Variants in DSCAM observed in about 807,000 individuals in gnomAD.
The protein encoded by DSCAM is cell adhesion molecule DSCAM.
Under a neutral mutation model 217.7 loss-of-function variants are expected in DSCAM, and 47 were observed. The ratio of observed to expected loss-of-function variants is 0.22; its 90% confidence interval spans 0.17 to 0.28. The LOEUF (loss-of-function observed/expected upper bound fraction) is 0.28. DSCAM is among the 10% of genes least tolerant of loss of function. The probability of loss-of-function intolerance (pLI) is 1.00; values close to 1 mark genes in which losing one functional copy is unlikely to be tolerated. For synonymous variants in DSCAM, 1,056 were observed against 1,015.3 expected (o/e 1.04, Z -0.76); for missense variants, 2,080 against 2,618.3 (o/e 0.79, Z 4.49).
intron 10 of DSCAM, among the ~76,000 whole-genome samples, chr21:40,288,355 G>A (rs1489585929): frequency 1.3e-5 from 2 of 152,288 alleles, no homozygotes; most frequent in Non-Finnish European, 2.9e-5. Context: ...CATTCTTCAC[G>A]TTAAGCTTTA....
chr21:40,408,428 A>G (rs533325551), intron 3 of DSCAM, among the ~76,000 whole-genome samples: 1 of 152,244 alleles, frequency 6.6e-6, no homozygotes, highest in African/African-American at 2.4e-5. Flanking sequence ...AACAATGTGA[A>G]GGGACATGCT....
chr21:40,821,119 T>G (rs1478426573), intron 1 of DSCAM, among the ~76,000 whole-genome samples: 2 of 105,748 alleles, frequency 1.9e-5, no homozygotes, highest in African/African-American at 7.4e-5. Context: ...CACATATATA[T>G]AGATATATAT....
At chr21:40,510,501 C>T (rs764891113) in intron 3 of DSCAM, among the ~76,000 whole-genome samples, 10 of 152,036 alleles carry the variant, frequency 6.6e-5, no homozygotes, top group Non-Finnish European at 1.0e-4. Context: ...TCAAACGTGA[C>T]GATTGACAAA....
intron 3 of DSCAM, among the ~76,000 whole-genome samples, chr21:40,387,987 A>T (rs1409123734): frequency 6.6e-6 from 1 of 152,196 alleles, no homozygotes; most frequent in Non-Finnish European, 1.5e-5. Context: ...GAGAAAAAGA[A>T]ACATATGGAA....
chr21:40,577,377 C>T (rs1175947475), intron 3 of DSCAM, among the ~76,000 whole-genome samples: 2 of 151,646 alleles, frequency 1.3e-5, no homozygotes, highest in African/African-American at 2.4e-5. Flanking sequence ...AATTTTAGGG[C>T]ACTGACACGG....
intron 3 of DSCAM, among the ~76,000 whole-genome samples, chr21:40,387,825 G>A (rs1469967162): frequency 6.6e-6 from 1 of 152,114 alleles, no homozygotes; most frequent in East Asian, 1.9e-4. Context: ...TATCATAAAA[G>A]ATACAAATAT....
intron 26 of DSCAM, among the ~76,000 whole-genome samples, chr21:40,078,410 A>C (rs2089399799): frequency 6.6e-6 from 1 of 152,194 alleles, no homozygotes; most frequent in Admixed American, 6.5e-5. Flanking sequence ...CAGGGTCAAG[A>C]GTCCTTCAGC....
At chr21:40,381,732 G>A (rs2123731164) in intron 3 of DSCAM, among the ~76,000 whole-genome samples, 1 of 152,278 alleles carries the variant, frequency 6.6e-6, no homozygotes, top group African/African-American at 2.4e-5. Context: ...ACTATGTTGT[G>A]GCCACTTAAT....
chr21:40,316,996 C>T (rs2074204384), intron 8 of DSCAM, among the ~76,000 whole-genome samples: 1 of 152,132 alleles, frequency 6.6e-6, no homozygotes, highest in Admixed American at 6.6e-5. Context: ...TTATCTTGAT[C>T]CAGTTTATTT....
rs753521335 is a variant in DSCAM, at chr21:40,124,209, G to A, written c.3682C>T (p.His1228Tyr). The change falls in exon 20 of 33, where the codon CAC becomes TAC. Residue 1228 changes from histidine to tyrosine, a missense_variant. Around this residue, in one of 5 missense-constraint regions of DSCAM, gnomAD observed 1,144 missense variants for 1,421.1 expected, o/e 0.81. Coordinates refer to ENST00000400454, the MANE Select transcript of DSCAM (RefSeq NM_001389.5). ...TACCAACTTACTGTGGGATAGGGGT[G>A]GGAGCAGAATACAGTGTACTTTCGG... ...IIRKYTVFCS[H>Y]PYPTVISEFE... is the part of the protein sequence containing the mutation. 6.2e-7 allele frequency: 1 copy of A among 1,613,990 alleles called. No individual in the cohort carries two copies.
intron 20 of DSCAM, among the ~76,000 whole-genome samples, chr21:40,100,568 G>A (rs1321392495): frequency 6.6e-6 from 1 of 151,832 alleles, no homozygotes; most frequent in Non-Finnish European, 1.5e-5. Context: ...TCAATGAGAA[G>A]GGATCACTTT....
chr21:40,313,740 C>G (rs1273575138), intron 8 of DSCAM, among the ~76,000 whole-genome samples: 1 of 151,762 alleles, frequency 6.6e-6, no homozygotes, highest in Non-Finnish European at 1.5e-5. Flanking sequence ...AATATCAGAG[C>G]CTGTAATGTA....
chr21:40,396,320 T>C (rs1353130270), intron 3 of DSCAM, among the ~76,000 whole-genome samples: 3 of 152,178 alleles, frequency 2.0e-5, no homozygotes, highest in Non-Finnish European at 1.5e-5. Flanking sequence ...TTCTTCACCA[T>C]CACGCCAACT....
At chr21:40,402,451 A>G (rs1277287743) in intron 3 of DSCAM, among the ~76,000 whole-genome samples, 1 of 152,184 alleles carries the variant, frequency 6.6e-6, no homozygotes, top group African/African-American at 2.4e-5. Context: ...AGATCATTAG[A>G]ACAAGTATCT....
At chr21:40,429,636 G>A (rs1364337769) in intron 3 of DSCAM, among the ~76,000 whole-genome samples, 1 of 152,210 alleles carries the variant, frequency 6.6e-6, no homozygotes, top group East Asian at 1.9e-4. Context: ...GCTGCCACTT[G>A]TAGTTTGGAA....
intron 11 of DSCAM, among the ~76,000 whole-genome samples, chr21:40,198,313 T>C (rs575301842): frequency 1.2e-3 from 182 of 152,320 alleles, no homozygotes; most frequent in Admixed American, 3.4e-3. Context: ...TTATTTTTTA[T>C]TTAATATCCC....
intron 8 of DSCAM, among the ~76,000 whole-genome samples, chr21:40,312,746 A>G (rs929318653): frequency 6.6e-6 from 1 of 152,182 alleles, no homozygotes; most frequent in Non-Finnish European, 1.5e-5. Flanking sequence ...CTATGACACT[A>G]CAATTACTGT....
At chr21:40,138,652 GGT>G (rs971161793) in intron 18 of DSCAM, among the ~76,000 whole-genome samples, 27 of 145,308 alleles carry the variant, frequency 1.9e-4, no homozygotes, top group Non-Finnish European at 7.6e-5. Flanking sequence ...GTGTGTGGGG[GGT>G]GTGTGTGGTG....
At chr21:40,372,243 A>G (rs546863603) in intron 3 of DSCAM, among the ~76,000 whole-genome samples, 1 of 152,280 alleles carries the variant, frequency 6.6e-6, no homozygotes. Context: ...TGTCATATGG[A>G]TTAAATGGTT....
Sources: allele counts gnomAD v4.1 joint callset (sites outside exome capture counted in the v4.1 genomes callset), GRCh38; gene constraint gnomAD v4.1.1; regional missense constraint gnomAD v4.1.1; transcripts MANE v1.5; gene names NCBI Gene and HGNC (gene_info 2026-07-23, HGNC 2026-07-21).